The following TTLL4 variants were observed in gnomAD, a reference collection of about 807,000 sequenced individuals.
TTLL4 encodes tubulin tyrosine ligase like 4.
Under a neutral mutation model 122.7 loss-of-function variants are expected in TTLL4, and 85 were observed. That is an observed-to-expected ratio of 0.69 (90% CI 0.58 to 0.83). The LOEUF (loss-of-function observed/expected upper bound fraction) is 0.83, where lower values mean the gene tolerates loss of function less well. Ranked by LOEUF, TTLL4 falls within the 40% of genes least tolerant of loss-of-function variation. The pLI, the probability that TTLL4 is intolerant of heterozygous loss-of-function variation, is 0.00. For missense variants in TTLL4, 1,363 were observed against 1,488.6 expected (o/e 0.92, Z 1.39); for synonymous variants, 553 against 563.0 (o/e 0.98, Z 0.25).
intron 11 of TTLL4, 99 bp from the exon 12 acceptor site, chr2:218,748,006 A>T: frequency 6.7e-7 from 1 of 1,494,590 alleles, no homozygotes. Flanking sequence ...AGATCTGTGT[A>T]CTTGTTCTAC....
downstream of TTLL4, among the ~76,000 whole-genome samples, chr2:218,756,246 C>A (rs777194929): frequency 6.6e-6 from 1 of 152,132 alleles, no homozygotes; most frequent in Non-Finnish European, 1.5e-5. Flanking sequence ...AGTTCTTTGG[C>A]TTGCCCCCTG....
chr2:218,748,714 A>AT, intron 12 of TTLL4, 122 bp from the exon 13 acceptor site: 1 of 804,120 alleles, frequency 1.2e-6, no homozygotes, highest in Non-Finnish European at 1.9e-6. Flanking sequence ...CTCTTTCATA[A>AT]TTTAAACTGC....
intron 2 of TTLL4, among the ~76,000 whole-genome samples, 192 bp from the exon 3 acceptor site, chr2:218,737,387 A>G (rs896493514): frequency 6.6e-6 from 1 of 152,156 alleles, no homozygotes; most frequent in Admixed American, 6.5e-5. Flanking sequence ...CTTTGATCCT[A>G]TGAGGGCAGT....
intron 1 of TTLL4, among the ~76,000 whole-genome samples, chr2:218,718,420 C>G (rs1297581201): frequency 1.3e-5 from 2 of 151,680 alleles, no homozygotes; most frequent in East Asian, 3.9e-4. Context: ...CTCTTGTTGC[C>G]CAGGCTGGAG....
chr2:218,738,461 C>T lies in TTLL4; in HGVS notation c.785C>T (p.Ala262Val). The change falls in exon 3 of 20, where the codon GCA (alanine) becomes GTA (valine). Residue 262 changes from alanine to valine, a missense_variant. Physicochemically the swap from Ala to Val is moderately conservative, Grantham distance 64. Transcript: ENST00000392102. Reference protein sequence around the residue: ...WHHSGGTGDCAPQPVDHKVPK... With the variant: ...WHHSGGTGDCVPQPVDHKVPK... ...CATTCAGGGGGTACTGGAGACTGTG[C>T]ACCGCAGCCTGTTGACCATAAGGTG... 2.1e-5 allele frequency: 34 copies of T among 1,614,192 alleles called. No individual in the cohort carries two copies. The highest frequency in any genetic ancestry group is 2.8e-5 in the Non-Finnish European group (33 of 1,180,038).
At chr2:218,732,587 G>A (rs921161159) in intron 2 of TTLL4, among the ~76,000 whole-genome samples, 7 of 152,258 alleles carry the variant, frequency 4.6e-5, no homozygotes, top group Middle Eastern at 6.8e-3. Context: ...TGCCTCTCTG[G>A]ACTTTGACTT....
chr2:218,749,467 CTTT>C, intron 14 of TTLL4, 80 bp downstream of exon 14: 429 of 1,266,776 alleles, frequency 3.4e-4, no homozygotes, highest in Admixed American at 5.6e-4. Flanking sequence ...GTAAGTTGTT[CTTT>C]TTTTTTTTTT....
chr2:218,715,998 C>A (rs530286483), intron 1 of TTLL4, among the ~76,000 whole-genome samples: 1 of 152,294 alleles, frequency 6.6e-6, no homozygotes, highest in Non-Finnish European at 1.5e-5. Context: ...TTATGTGAGG[C>A]ATGACTGTTA....
At position 218,750,119 on chromosome 2, in the gene TTLL4, C is replaced by CCAGCAGCTG; in HGVS notation, c.2855_2863dup (p.Cys952_Ser954dup). On this transcript the variant is annotated inframe_insertion, in exon 15 of 20. Coordinates refer to ENST00000392102, the MANE Select transcript of TTLL4 (RefSeq NM_014640.5). ...AATGCAGAGGATATCATTTCCAGCC[C>CCAGCAGCTG]CAGCAGCTGCAGCAGCTCCACCACC... The CCAGCAGCTG allele has an allele frequency of 6.2e-7, 1 of 1,613,926 alleles. No individual in the cohort carries two copies. The highest frequency in any genetic ancestry group is 8.5e-7 in the Non-Finnish European group (1 of 1,179,896).
intron 1 of TTLL4, among the ~76,000 whole-genome samples, chr2:218,718,169 G>A (rs1416414895): frequency 3.9e-5 from 6 of 152,078 alleles, no homozygotes; most frequent in Non-Finnish European, 8.8e-5. Context: ...CTGATGTCCT[G>A]AGTTTCCCTG....
intron 16 of TTLL4, 91 bp downstream of exon 16, chr2:218,751,897 T>TTTC (rs1943027332): frequency 1.4e-6 from 1 of 730,362 alleles, no homozygotes; most frequent in Admixed American, 4.6e-5. Flanking sequence ...CTTTTTTTTT[T>TTTC]TCTTTTCTTT....
chr2:218,744,175 C>T (rs1942778602), intron 5 of TTLL4, among the ~76,000 whole-genome samples: 1 of 152,218 alleles, frequency 6.6e-6, no homozygotes, highest in African/African-American at 2.4e-5. Flanking sequence ...AGAGTTAAAA[C>T]ACTGAAGTGT....
chr2:218,720,933 C>G (rs1942017301), intron 1 of TTLL4, among the ~76,000 whole-genome samples: 1 of 152,106 alleles, frequency 6.6e-6, no homozygotes, highest in African/African-American at 2.4e-5. Flanking sequence ...AGCTGACTAC[C>G]AATGGCCAGT....
In TTLL4 at chr2:218,710,862, G is replaced by T. The variant is rs953841185; in HGVS notation, c.-353G>T. Reference sequence around the variant, plus strand: ...CTTCTTCCAGACTCTCGGTCTGTCCGCTGGGGGCGCGCGCGGTGTGTGGCA... The same window carrying T: ...CTTCTTCCAGACTCTCGGTCTGTCCTCTGGGGGCGCGCGCGGTGTGTGGCA... On this transcript the variant is annotated 5_prime_UTR_variant, in exon 1 of 20. Transcript: ENST00000392102. The T allele has an allele frequency of 6.6e-5, 10 of 152,366 alleles. No homozygotes were observed. Among genetic ancestry groups the T allele is most frequent in the African/African-American group, 1.7e-4 (7 of 41,444 alleles). The allele number at this position is 152,366 out of a possible 1,614,324, so 9.4% of individuals were successfully genotyped here.
intron 16 of TTLL4, 146 bp from the exon 17 acceptor site, chr2:218,752,617 G>T: frequency 2.7e-6 from 2 of 750,290 alleles, no homozygotes; most frequent in Non-Finnish European, 4.4e-6. Context: ...TTCAGAGCTG[G>T]CCCACTAGGC....
chr2:218,752,740 T>C, intron 16 of TTLL4, 23 bp from the exon 17 acceptor site: 1 of 1,613,478 alleles, frequency 6.2e-7, no homozygotes, highest in South Asian at 1.1e-5. Flanking sequence ...ACACCCTTTT[T>C]CTCCCTGTTC....
At chr2:218,718,961 A>G (rs1941950566) in intron 1 of TTLL4, among the ~76,000 whole-genome samples, 1 of 152,018 alleles carries the variant, frequency 6.6e-6, no homozygotes, top group East Asian at 1.9e-4. Flanking sequence ...ATAGAAGGGG[A>G]TGTTTCAGGC....
At chr2:218,732,159 A>G (rs1003955193) in intron 2 of TTLL4, among the ~76,000 whole-genome samples, 6 of 152,218 alleles carry the variant, frequency 3.9e-5, no homozygotes, top group South Asian at 2.1e-4. Context: ...GTCTTGAGCT[A>G]TCTTTAAGTA....
Position 218,738,396 on chromosome 2 carries a change from G to A in TTLL4, c.720G>A (p.Lys240=). The change falls in exon 3 of 20, where the codon AAG becomes AAA. Residue 240 remains lysine (K), a synonymous_variant. Coordinates refer to ENST00000392102, the MANE Select transcript of TTLL4 (RefSeq NM_014640.5). Reference sequence around the variant, plus strand: ...TATTGCAGACCACACAGGGCCTGAAGCCAGTATCGCCACCCAAGATCCAGC... The same window carrying A: ...TATTGCAGACCACACAGGGCCTGAAACCAGTATCGCCACCCAAGATCCAGC... The part of the protein sequence containing the change: ...VPLLQTTQGL[K]PVSPPKIQPV... 1 of 1,614,148 alleles carries A rather than the reference G, an allele frequency of 6.2e-7. No homozygotes were observed. Among genetic ancestry groups the A allele is most frequent in the South Asian group, 1.1e-5 (1 of 91,084 alleles).
Sources: gnomAD v4.1 joint callset for allele counts (sites outside exome capture counted in the v4.1 genomes callset) on GRCh38, gnomAD v4.1.1 for gene constraint, MANE v1.5 for transcripts, NCBI Gene and HGNC (gene_info 2026-07-23, HGNC 2026-07-21) for gene names.